The following LARP4B variants were observed in gnomAD, a reference collection of about 807,000 sequenced individuals.
LARP4B encodes the protein La ribonucleoprotein 4B.
A neutral mutation model predicts 89.8 loss-of-function variants in LARP4B; 12 were observed. The observed-to-expected ratio is 0.13, with a 90% CI of 0.09 to 0.22. The LOEUF is 0.22. Among genes scored for constraint, LARP4B ranks in the 10% least tolerant of loss-of-function variants. The pLI is 1.00. For synonymous variants in LARP4B, 367 were observed against 363.3 expected (o/e 1.01, Z -0.12); for missense variants, 757 against 947.7 (o/e 0.80, Z 2.64).
At position 809,589 on chromosome 10, in the gene LARP4B, A is replaced by G. The variant is rs1588831999; in HGVS notation, c.*3337T>C. On this transcript the variant is annotated 3_prime_UTR_variant, in exon 18 of 18. Coordinates refer to ENST00000316157, the MANE Select transcript of LARP4B (RefSeq NM_015155.3). ...TTTTCATAACCTACATTTTTTTTCA[A>G]ATTAGACAGTTTTACACTGAATGAC... 1 of 152,568 alleles carries G rather than the reference A, an allele frequency of 6.6e-6. No homozygotes were observed. Among genetic ancestry groups the G allele is most frequent in the Non-Finnish European group, 1.5e-5 (1 of 68,042 alleles). 9.5% of individuals were successfully genotyped at this position (152,568 alleles called of 1,614,324 possible).
the LARP4B span, among the ~76,000 whole-genome samples, chr10:964,959 T>A: frequency 1.3e-5 from 2 of 152,026 alleles, no homozygotes. Context: ...TGACACACAC[T>A]CAGTGTAGAT....
intron 14 of LARP4B, chr10:818,662 C>T (rs1017543230): frequency 1.1e-4 from 16 of 152,312 alleles, no homozygotes; most frequent in Middle Eastern, 3.4e-3. Flanking sequence ...TTTGCGAGTA[C>T]GCAGTTCCTC....
At chr10:981,891 C>T in the LARP4B span, among the ~76,000 whole-genome samples, 2 of 152,080 alleles carry the variant, frequency 1.3e-5, no homozygotes, top group Non-Finnish European at 2.9e-5. Flanking sequence ...TGAGACTGTT[C>T]TTTATCCCTA....
At chr10:959,023 C>CGGAG in the LARP4B span, among the ~76,000 whole-genome samples, 6 of 152,160 alleles carry the variant, frequency 3.9e-5, no homozygotes, top group African/African-American at 1.4e-4. Context: ...AAGGACGCTC[C>CGGAG]GCCTGAGGTC....
At chr10:853,313 A>G (rs553739758) in intron 5 of LARP4B, among the ~76,000 whole-genome samples, 1 of 152,352 alleles carries the variant, frequency 6.6e-6, no homozygotes, top group South Asian at 2.1e-4. Context: ...AATTATGAGT[A>G]CACTAAACTG....
At chr10:910,349 C>T (rs1342454249) in intron 1 of LARP4B, among the ~76,000 whole-genome samples, 1 of 152,182 alleles carries the variant, frequency 6.6e-6, no homozygotes, top group East Asian at 1.9e-4. Context: ...AATTTTGCCT[C>T]AGCTTCTTCC....
Position 815,026 on chromosome 10 carries a change from G to A in LARP4B, c.1740C>T (p.Val580=). ...AAGCCGGCACCGAGGGCTCTCTGGA[G>A]ACCACTACAGGAAGGGTGTTCACGC... is the stretch of plus-strand genomic sequence containing the variant. ...DASVNTLPVV[V]SREPSVPASC... The change falls in exon 16 of 18, where the codon GTC becomes GTT. Residue 580 remains valine (V), a synonymous_variant. Transcript: ENST00000316157. 6.2e-7 allele frequency: 1 copy of A among 1,607,686 alleles called. No individual in the cohort carries two copies. Among genetic ancestry groups the A allele is most frequent in the Non-Finnish European group, 8.5e-7 (1 of 1,176,142 alleles).
the LARP4B span, among the ~76,000 whole-genome samples, chr10:976,452 G>T: frequency 6.6e-6 from 1 of 150,740 alleles, no homozygotes; most frequent in African/African-American, 2.5e-5. Flanking sequence ...GTGCGGTCCG[G>T]CCTAGTAGAA....
intron 1 of LARP4B, among the ~76,000 whole-genome samples, chr10:927,132 T>C (rs568650603): frequency 6.6e-6 from 1 of 152,214 alleles, no homozygotes; most frequent in East Asian, 1.9e-4. Flanking sequence ...GCAATGGGGT[T>C]GATGGGAAAG....
intron 5 of LARP4B, among the ~76,000 whole-genome samples, chr10:860,696 T>C (rs1460822018): frequency 6.6e-6 from 1 of 152,140 alleles, no homozygotes; most frequent in African/African-American, 2.4e-5. Flanking sequence ...GTCTCAAAAA[T>C]AGTAACCTAA....
upstream of LARP4B, among the ~76,000 whole-genome samples, chr10:936,708 G>T (rs1447835892): frequency 6.6e-6 from 1 of 152,100 alleles, no homozygotes; most frequent in East Asian, 1.9e-4. Context: ...GGCAACAAGA[G>T]TGAAACTGTC....
intron 5 of LARP4B, among the ~76,000 whole-genome samples, chr10:849,380 C>T (rs1324279140): frequency 6.6e-6 from 1 of 152,054 alleles, no homozygotes; most frequent in Non-Finnish European, 1.5e-5. Flanking sequence ...CAAAGGGAGC[C>T]GACCAGAACT....
chr10:937,860 GATTTT>G, the LARP4B span, among the ~76,000 whole-genome samples: 2 of 152,050 alleles, frequency 1.3e-5, no homozygotes, highest in Admixed American at 6.6e-5. Context: ...AACATTACTG[GATTTT>G]ATTTTATTTT....
intron 1 of LARP4B, among the ~76,000 whole-genome samples, chr10:923,140 T>C (rs1837033246): frequency 1.3e-5 from 2 of 152,036 alleles, no homozygotes; most frequent in Non-Finnish European, 2.9e-5. Context: ...AGCTACTGTA[T>C]TTACAGTACT....
At chr10:842,453 C>A (rs1421021339) in intron 7 of LARP4B, among the ~76,000 whole-genome samples, 7 of 152,066 alleles carry the variant, frequency 4.6e-5, no homozygotes, top group Admixed American at 4.6e-4. Context: ...AACTCGACCT[C>A]CAAAAGTGCT....
chr10:881,573 T>C (rs1054387168), intron 3 of LARP4B, among the ~76,000 whole-genome samples: 3 of 152,112 alleles, frequency 2.0e-5, no homozygotes, highest in Non-Finnish European at 4.4e-5. Context: ...GAATCGAGAG[T>C]TTCATCACTG....
chr10:850,797 GAAATT>G (rs942759426), intron 5 of LARP4B, among the ~76,000 whole-genome samples: 10 of 151,812 alleles, frequency 6.6e-5, no homozygotes, highest in African/African-American at 2.4e-4. Flanking sequence ...AATTAAACTA[GAAATT>G]AATAAAAGAA....
chr10:979,754 G>A, the LARP4B span, among the ~76,000 whole-genome samples: 1 of 152,154 alleles, frequency 6.6e-6, no homozygotes, highest in Admixed American at 6.6e-5. Context: ...GGTGGATCAC[G>A]AGGTCAGGAG....
intron 5 of LARP4B, among the ~76,000 whole-genome samples, chr10:862,279 A>AACC (rs1554798769): frequency 7.1e-6 from 1 of 140,408 alleles, no homozygotes; most frequent in African/African-American, 2.6e-5. Flanking sequence ...AAAAAAAAAA[A>AACC]AACAACCGTC....
Sources: allele counts gnomAD v4.1 joint callset (sites outside exome capture counted in the v4.1 genomes callset), GRCh38; gene constraint gnomAD v4.1.1; transcripts MANE v1.5; gene names NCBI Gene and HGNC (gene_info 2026-07-23, HGNC 2026-07-21).